The following MRTFB variants were observed in gnomAD, a reference collection of about 807,000 sequenced individuals.
MRTFB encodes myocardin-related transcription factor B.
In MRTFB, 29 loss-of-function variants were observed where a neutral mutation model predicts 104.2. The ratio of observed to expected loss-of-function variants is 0.28; its 90% confidence interval spans 0.21 to 0.38. The LOEUF is 0.38. Among genes scored for constraint, MRTFB ranks in the 10% least tolerant of loss-of-function variants. MRTFB has a pLI of 1.00. For missense variants in MRTFB, 1,270 were observed against 1,341.6 expected, an observed-to-expected ratio of 0.95 and a Z score of 0.83; for synonymous variants, 535 against 519.5, an observed-to-expected ratio of 1.03 and a Z score of -0.41.
At chr16:14,004,114 C>T in the MRTFB span, among the ~76,000 whole-genome samples, 1 of 152,086 alleles carries the variant, frequency 6.6e-6, no homozygotes, top group Non-Finnish European at 1.5e-5. Flanking sequence ...AGCCATGAGC[C>T]CCAGGAGCTC....
At chr16:14,009,360 C>T in the MRTFB span, 1 of 152,102 alleles carries the variant, frequency 6.6e-6, no homozygotes, top group Non-Finnish European at 1.5e-5. Flanking sequence ...GCATATTGAT[C>T]TTGTATCCTG....
intron 1 of MRTFB, among the ~76,000 whole-genome samples, chr16:14,076,662 A>C (rs770677673): frequency 2.6e-5 from 4 of 152,218 alleles, no homozygotes. Flanking sequence ...TGTGGGATAC[A>C]TTCCTAGAGG....
intron 10 of MRTFB, among the ~76,000 whole-genome samples, chr16:14,242,719 G>C (rs778184475): frequency 6.6e-6 from 1 of 152,244 alleles, no homozygotes; most frequent in East Asian, 1.9e-4. Flanking sequence ...CTCATCTGCC[G>C]ATCACATTCG....
chr16:14,006,845 A>C, the MRTFB span, among the ~76,000 whole-genome samples: 1 of 151,892 alleles, frequency 6.6e-6, no homozygotes, highest in African/African-American at 2.4e-5. Context: ...GCAAGACCTC[A>C]TCTCTACAAA....
intron 2 of MRTFB, among the ~76,000 whole-genome samples, chr16:14,091,943 C>T (rs997516282): frequency 1.4e-5 from 2 of 146,980 alleles, no homozygotes; most frequent in South Asian, 2.2e-4. Flanking sequence ...TGCAGTGAGC[C>T]GAGATCATGC....
At chr16:14,198,459 G>C (rs2040535781) in intron 3 of MRTFB, among the ~76,000 whole-genome samples, 1 of 152,154 alleles carries the variant, frequency 6.6e-6, no homozygotes, top group Non-Finnish European at 1.5e-5. Flanking sequence ...GTATCTTATG[G>C]TCTTTTCCTC....
chr16:14,201,258 T>C (rs1597233040), intron 3 of MRTFB, among the ~76,000 whole-genome samples: 1 of 152,336 alleles, frequency 6.6e-6, no homozygotes, highest in East Asian at 1.9e-4. Flanking sequence ...GTAATATCAG[T>C]ATATCCCAAG....
chr16:14,050,432 T>TA, the MRTFB span, among the ~76,000 whole-genome samples: 2 of 152,114 alleles, frequency 1.3e-5, no homozygotes, highest in Admixed American at 6.5e-5. Context: ...GGTGTGATCA[T>TA]AGCTCACCAC....
At chr16:14,139,126 A>T (rs1197176420) in intron 2 of MRTFB, among the ~76,000 whole-genome samples, 1 of 152,226 alleles carries the variant, frequency 6.6e-6, no homozygotes, top group East Asian at 1.9e-4. Flanking sequence ...TATTAAGAAC[A>T]TACAAAATAG....
At chr16:14,128,496 C>G (rs1210973179) in intron 2 of MRTFB, among the ~76,000 whole-genome samples, 1 of 152,160 alleles carries the variant, frequency 6.6e-6, no homozygotes, top group Non-Finnish European at 1.5e-5. Context: ...TCACCTACTG[C>G]GGCCTTCAGC....
rs1430133983 is a variant in MRTFB, at chr16:14,266,755, TAA to T, written c.*5314_*5315del. 2 of 152,222 alleles carry T rather than the reference TAA, an allele frequency of 1.3e-5. No homozygotes were observed. Among genetic ancestry groups the T allele is most frequent in the African/African-American group, 4.8e-5 (2 of 41,466 alleles). 9.4% of individuals were successfully genotyped at this position (152,222 alleles called of 1,614,324 possible). On this transcript the variant is annotated 3_prime_UTR_variant, in exon 17 of 17. Coordinates refer to ENST00000571589, the MANE Select transcript of MRTFB (RefSeq NM_001308142.2). ...CAATTTTGCATTTTTGTGTCTCAAA[TAA>T]AAGACATTTTGATGTACTATGATTC... is the stretch of plus-strand genomic sequence containing the variant.
chr16:14,094,380 ATG>A lies in MRTFB; in HGVS notation c.-64+15029_-64+15030del, dbSNP rs1486441990. On this transcript the variant is annotated intron_variant, in intron 2 of 16. Coordinates refer to ENST00000571589, the MANE Select transcript of MRTFB (RefSeq NM_001308142.2). ...AAACAGTTAAAATGCATTTGTTTAA[ATG>A]TGGGTAGAATTTAGGCTGAAGTGTT... is the stretch of plus-strand genomic sequence containing the variant. 6.6e-5 allele frequency among the ~76,000 whole-genome samples: 10 copies of A among 152,348 alleles called. No homozygotes were observed. The East Asian group carries it at 1.7e-3, about 26-fold the overall frequency.
chr16:14,069,374 G>A (rs2033561404), upstream of MRTFB, among the ~76,000 whole-genome samples: 1 of 152,326 alleles, frequency 6.6e-6, no homozygotes, highest in African/African-American at 2.4e-5. Flanking sequence ...CCTGGTTCTC[G>A]GGCCACAACT....
chr16:14,049,781 G>A, the MRTFB span, among the ~76,000 whole-genome samples: 11 of 152,228 alleles, frequency 7.2e-5, no homozygotes, highest in Admixed American at 2.6e-4. Flanking sequence ...TTGCCAGGCT[G>A]GAGTGCAATG....
the MRTFB span, chr16:14,009,750 A>T: frequency 0.47 from 72,171 of 151,944 alleles, 17,460 homozygotes; most frequent in Middle Eastern, 0.62. Flanking sequence ...CCCCCCAACA[A>T]CGTGAGTTTT....
chr16:14,043,571 A>T, the MRTFB span, among the ~76,000 whole-genome samples: 1 of 152,068 alleles, frequency 6.6e-6, no homozygotes, highest in Non-Finnish European at 1.5e-5. Flanking sequence ...CTATTCCCAA[A>T]CCTCAAGAAT....
the MRTFB span, among the ~76,000 whole-genome samples, chr16:14,035,014 C>T: frequency 6.6e-6 from 1 of 152,176 alleles, no homozygotes; most frequent in Non-Finnish European, 1.5e-5. Context: ...CTTCCTCCAC[C>T]CCATGGAGAC....
chr16:14,243,864 G>GTTTTTTTTTTTTTTTTTTTTTTTTTTT lies in MRTFB; in HGVS notation c.1080-1651_1080-1650insTTTTTTTTTTTTTTTTTTTTTTTTTTT, dbSNP rs56296807. On this transcript the variant is annotated intron_variant, in intron 10 of 16. Transcript: ENST00000571589. Reference sequence around the variant, plus strand: ...CAGAGATTAGTTTTGCCTGTTTTGGGTTTTTTTTTTTTTGAGACAGAGTCT... The same window carrying GTTTTTTTTTTTTTTTTTTTTTTTTTTT: ...CAGAGATTAGTTTTGCCTGTTTTGGGTTTTTTTTTTTTTTTTTTTTTTTTTTTTTTTTTTTTTTTTGAGACAGAGTCT... 1.7e-4 allele frequency among the ~76,000 whole-genome samples: 21 copies of GTTTTTTTTTTTTTTTTTTTTTTTTTTT among 124,644 alleles called. 2 individuals carry two copies. The highest frequency in any genetic ancestry group is 5.3e-4 in the African/African-American group (14 of 26,476). The allele number at this position is 124,644 out of a possible 152,430, so 81.8% of individuals were successfully genotyped here.
intron 3 of MRTFB, chr16:14,141,694 G>A (rs2038004434): frequency 6.6e-6 from 1 of 152,088 alleles, no homozygotes; most frequent in African/African-American, 2.4e-5. Flanking sequence ...ATTTAGGAAA[G>A]TGGATTAAAA....
Sources: gnomAD v4.1 joint callset for allele counts (sites outside exome capture counted in the v4.1 genomes callset) on GRCh38, gnomAD v4.1.1 for gene constraint, MANE v1.5 for transcripts, NCBI Gene and HGNC (gene_info 2026-07-23, HGNC 2026-07-21) for gene names.